RUFY3: variants seen among roughly 807,000 people sequenced by gnomAD.
The protein encoded by RUFY3 is RUN and FYVE domain containing 3.
In RUFY3, 34 loss-of-function variants were observed where a neutral mutation model predicts 84.0. That is an observed-to-expected ratio of 0.40 (90% confidence interval 0.31 to 0.54). RUFY3 has a LOEUF of 0.54. Ranked by LOEUF, RUFY3 falls within the 20% of genes least tolerant of loss-of-function variation. RUFY3 has a pLI of 0.39. For synonymous variants in RUFY3, 242 were observed against 252.9 expected (o/e 0.96, Z 0.41); for missense variants, 507 against 736.8 (o/e 0.69, Z 3.61).
At position 70,705,219 on chromosome 4, in the gene RUFY3, C is replaced by T. The variant is rs1333124003; in HGVS notation, c.283C>T (p.Pro95Ser). Residue 95 changes from proline to serine, a missense_variant, in exon 1 of 12, where the codon CCC becomes TCC. Coordinates refer to the RUFY3 transcript ENST00000417478. Reference sequence around the variant, plus strand: ...GCGCTCCTGGAGGACCCCGCCGTCCCCCGGCTCACCGCTGCCCTTCCTGCT... The same window carrying T: ...GCGCTCCTGGAGGACCCCGCCGTCCTCCGGCTCACCGCTGCCCTTCCTGCT... 8.2e-6 allele frequency: 12 copies of T among 1,461,678 alleles called. No individual in the cohort carries two copies. The highest frequency in any genetic ancestry group is 6.1e-5 in the East Asian group (2 of 32,882). The allele number at this position is 1,461,678 out of a possible 1,614,324, so 90.5% of individuals were successfully genotyped here. A position where few individuals can be genotyped will look rare whatever the true frequency, so the allele number is the denominator to read the frequency against.
chr4:70,760,136 C>T (rs1724774330), intron 1 of RUFY3, among the ~76,000 whole-genome samples: 1 of 152,162 alleles, frequency 6.6e-6, no homozygotes, highest in Non-Finnish European at 1.5e-5. Flanking sequence ...CCCATAGACG[C>T]TAGTTAACCT....
At chr4:70,802,730 C>A in intron 15 of RUFY3, 1 of 412,790 alleles carries the variant, frequency 2.4e-6, no homozygotes, top group Non-Finnish European at 4.3e-6. Context: ...AATGGGAACC[C>A]TTATATAATA....
At chr4:70,789,462 A>T (rs777450732) in intron 11 of RUFY3, 33 bp from the exon 12 acceptor site, 2 of 1,586,864 alleles carry the variant, frequency 1.3e-6, no homozygotes, top group South Asian at 1.1e-5. Flanking sequence ...GATTTATGTT[A>T]TACAGGTTGT....
intron 1 of RUFY3, chr4:70,705,371 G>A (rs1740171076): frequency 9.2e-7 from 1 of 1,088,202 alleles, no homozygotes; most frequent in Admixed American, 4.3e-5. Context: ...GGCCCCCGCG[G>A]AGCTCCGCCT....
At chr4:70,797,701 G>A (rs1167969950) in intron 14 of RUFY3, among the ~76,000 whole-genome samples, 1 of 151,916 alleles carries the variant, frequency 6.6e-6, no homozygotes, top group Non-Finnish European at 1.5e-5. Context: ...AAATAAGCCG[G>A]GCATGGTGGT....
intron 1 of RUFY3, among the ~76,000 whole-genome samples, chr4:70,714,867 A>G (rs1043920893): frequency 4.6e-5 from 7 of 152,242 alleles, no homozygotes; most frequent in African/African-American, 1.7e-4. Flanking sequence ...ACGTCTGTGT[A>G]AATTATTGCC....
intron 7 of RUFY3, among the ~76,000 whole-genome samples, chr4:70,776,867 A>G (rs998686311): frequency 2.6e-5 from 4 of 152,268 alleles, no homozygotes; most frequent in Admixed American, 2.0e-4. Context: ...ATTATTTCCA[A>G]AAGATTTTCT....
In RUFY3 at chr4:70,778,806, C is replaced by T. The variant is rs553998091; in HGVS notation, c.894+368C>T. ...TGTTAGTCAGGCTGGTCTTGAACTC[C>T]TGACCTCAGGTGATCCACCCGCCTC... On this transcript the variant is annotated intron_variant, in intron 8 of 17. Coordinates refer to ENST00000381006, the MANE Select transcript of RUFY3 (RefSeq NM_001037442.4). 1.1e-4 allele frequency among the ~76,000 whole-genome samples: 16 copies of T among 152,180 alleles called. 1 individual carries two copies. In the South Asian group the frequency reaches 3.1e-3, roughly 30 times the overall value.
At chr4:70,797,348 T>G (rs1209956778) in intron 14 of RUFY3, among the ~76,000 whole-genome samples, 2 of 152,162 alleles carry the variant, frequency 1.3e-5, no homozygotes, top group Non-Finnish European at 1.5e-5. Context: ...GTGCGAAATA[T>G]TTTTGAAGTC....
In RUFY3 at chr4:70,784,821, A is replaced by G. The variant is rs1176201761; in HGVS notation, c.1013A>G (p.Glu338Gly). Residue 338 changes from glutamate to glycine, a missense_variant, in exon 10 of 18, where the codon GAA becomes GGA. Transcript: ENST00000381006. ...GGTCCCAAGCAAGACAGAACTGCAGAAGGGCAAGCACTAAGTGAAGCAAGA... is the reference window on the plus strand; with the variant it reads ...GGTCCCAAGCAAGACAGAACTGCAGGAGGGCAAGCACTAAGTGAAGCAAGA... ...RKGPKQDRTA[E>G]GQALSEARKH... is the part of the protein sequence containing the mutation. 2.5e-6 allele frequency: 4 copies of G among 1,606,134 alleles called. No individual in the cohort carries two copies. The highest frequency in any genetic ancestry group is 3.4e-6 in the Non-Finnish European group (4 of 1,176,826).
chr4:70,749,878 C>T (rs968388737), intron 1 of RUFY3, among the ~76,000 whole-genome samples: 4 of 152,188 alleles, frequency 2.6e-5, no homozygotes, highest in African/African-American at 7.2e-5. Context: ...GTCTTGACTC[C>T]TGAGGTCAAG....
rs1267472924 is a variant in RUFY3, at chr4:70,733,164, GAGAA to G, written c.178+10427_178+10430del. On this transcript the variant is annotated intron_variant, in intron 1 of 17. Coordinates refer to ENST00000381006, the MANE Select transcript of RUFY3 (RefSeq NM_001037442.4). The stretch of plus-strand genomic sequence containing the variant: ...AGAGAGAGAGAGAGAGAGAGAGAGA[GAGAA>G]AGAAAGAAAGAAAAATGGATTTTGT... 3.5e-3 allele frequency among the ~76,000 whole-genome samples: 468 copies of G among 134,966 alleles called. 3 individuals carry two copies. The highest frequency in any genetic ancestry group is 8.8e-3 in the South Asian group (38 of 4,300). 88.5% of individuals were successfully genotyped at this position (134,966 alleles called of 152,430 possible). A position where few individuals can be genotyped will look rare whatever the true frequency, so the allele number is the denominator to read the frequency against.
At position 70,773,515 on chromosome 4, in the gene RUFY3, G is replaced by A. The variant is rs1259646716; in HGVS notation, c.701G>A (p.Gly234Glu). 1.2e-6 allele frequency: 2 copies of A among 1,607,924 alleles called. No homozygotes were observed. The highest frequency in any genetic ancestry group is 1.7e-6 in the Non-Finnish European group (2 of 1,174,730). The change falls in exon 6 of 18, where the codon GGA becomes GAA. Residue 234 changes from glycine (G) to glutamate (E), a missense_variant. Physicochemically the swap from Gly to Glu is moderately conservative, Grantham distance 98 (BLOSUM62 -2). This residue lies in a region of RUFY3 where 133 missense variants were observed against 301.1 expected (regional missense o/e 0.44). Coordinates refer to ENST00000381006, the MANE Select transcript of RUFY3 (RefSeq NM_001037442.4). ...MKGEDLDSQV[G>E]VIDFSMYLKD... The stretch of plus-strand genomic sequence containing the variant: ...ACCTGAAAATTCTCTCTGTAGGTTG[G>A]AGTTATAGATTTTTCAATGTATCTC...
chr4:70,762,785 A>G, intron 2 of RUFY3, 93 bp downstream of exon 2: 2 of 1,061,382 alleles, frequency 1.9e-6, no homozygotes, highest in Non-Finnish European at 2.7e-6. Flanking sequence ...GCCAAAGAAT[A>G]AGAGGCTTGA....
At chr4:70,710,172 G>A (rs1166535844) in intron 1 of RUFY3, among the ~76,000 whole-genome samples, 1 of 152,122 alleles carries the variant, frequency 6.6e-6, no homozygotes, top group Non-Finnish European at 1.5e-5. Context: ...AGTGTTTAAG[G>A]GGAGAAAATT....
At chr4:70,774,994 CTCTT>C (rs1727684890) in intron 6 of RUFY3, among the ~76,000 whole-genome samples, 170 bp from the exon 7 acceptor site, 2 of 151,436 alleles carry the variant, frequency 1.3e-5, no homozygotes. Context: ...AAACTCCTGA[CTCTT>C]TCTTGTTGCT....
exon 1 of RUFY3, chr4:70,705,272 C>T (rs1577860271): frequency 2.1e-6 from 3 of 1,435,150 alleles, no homozygotes; most frequent in East Asian, 3.1e-5. Context: ...GCGGCGGCGG[C>T]AGCAGCGGCA....
chr4:70,759,592 C>T (rs191089591), intron 1 of RUFY3, among the ~76,000 whole-genome samples: 3 of 152,170 alleles, frequency 2.0e-5, no homozygotes, highest in Admixed American at 2.0e-4. Flanking sequence ...TTTTGAGGAA[C>T]CTCCGTACAG....
At position 70,722,438 on chromosome 4, in the gene RUFY3, C is replaced by T; in HGVS notation, c.-136C>T. 7.3e-7 allele frequency: 1 copy of T among 1,375,236 alleles called. No homozygotes were observed. Among genetic ancestry groups the T allele is most frequent in the Non-Finnish European group, 9.4e-7 (1 of 1,061,454 alleles). 85.2% of individuals were successfully genotyped at this position (1,375,236 alleles called of 1,614,324 possible). ...CCTTTTTTTTTTTTTTAAACCTCCC[C>T]CACCCTTTTCCTGAAAGCTTTGTTT... On this transcript the variant is annotated 5_prime_UTR_variant, in exon 1 of 18. Transcript: ENST00000381006.
Sources: gnomAD v4.1 joint callset for allele counts (sites outside exome capture counted in the v4.1 genomes callset) on GRCh38, gnomAD v4.1.1 for gene constraint, gnomAD v4.1.1 regional missense constraint, MANE v1.5 for transcripts, NCBI Gene and HGNC (gene_info 2026-07-23, HGNC 2026-07-21) for gene names.